CFLAR: variants seen among roughly 807,000 people sequenced by gnomAD.
CFLAR encodes the protein CASP8 and FADD-like apoptosis regulator.
A neutral mutation model predicts 51.1 loss-of-function variants in CFLAR; 14 were observed. That is an observed-to-expected ratio of 0.27 (90% CI 0.18 to 0.43). The LOEUF (loss-of-function observed/expected upper bound fraction) is 0.43. CFLAR is among the 20% of genes least tolerant of loss of function. The probability of loss-of-function intolerance (pLI) is 1.00; values close to 1 mark genes in which losing one functional copy is unlikely to be tolerated. For synonymous variants in CFLAR, 210 were observed against 211.6 expected (o/e 0.99, Z 0.06); for missense variants, 390 against 566.5 (o/e 0.69, Z 3.16).
At chr2:201,139,899 C>T (rs529352261) in intron 4 of CFLAR, 1 of 157,406 alleles carries the variant, frequency 6.4e-6, no homozygotes, top group African/African-American at 2.4e-5. Context: ...CTGTGTCTTT[C>T]TTTTCCAAGT....
chr2:201,131,787 G>C (rs2049355209), intron 2 of CFLAR, among the ~76,000 whole-genome samples: 1 of 152,068 alleles, frequency 6.6e-6, no homozygotes, highest in Non-Finnish European at 1.5e-5. Flanking sequence ...ATTGTAGCTG[G>C]AAGACCTGTT....
chr2:201,155,524 A>G (rs1942022251), intron 8 of CFLAR, among the ~76,000 whole-genome samples: 1 of 152,158 alleles, frequency 6.6e-6, no homozygotes. Flanking sequence ...TCGGCCTCCC[A>G]AAGTGCTGGG....
At chr2:201,145,241 A>T in intron 5 of CFLAR, 137 bp from the exon 6 acceptor site, 2 of 554,854 alleles carry the variant, frequency 3.6e-6, no homozygotes, top group Non-Finnish European at 6.6e-6. Context: ...TATTCTTTAG[A>T]TAATTTAACT....
chr2:201,123,462 A>G (rs1401751032), intron 1 of CFLAR, among the ~76,000 whole-genome samples: 1 of 152,134 alleles, frequency 6.6e-6, no homozygotes, highest in African/African-American at 2.4e-5. Context: ...ACTGCATTCT[A>G]CGGAGGGGAG....
At chr2:201,134,256 C>G (rs866311023) in intron 3 of CFLAR, among the ~76,000 whole-genome samples, 3 of 151,012 alleles carry the variant, frequency 2.0e-5, no homozygotes, top group Admixed American at 6.6e-5. Context: ...TGCAGTGAGT[C>G]GAGATTGCAC....
chr2:201,149,209 C>G (rs1375465230), intron 7 of CFLAR, 157 bp downstream of exon 7: 5 of 559,740 alleles, frequency 8.9e-6, no homozygotes, highest in Non-Finnish European at 1.6e-5. Flanking sequence ...CCCTGAATAA[C>G]AAAGAGAAAG....
At chr2:201,137,596 T>G in intron 4 of CFLAR, 2 of 746,358 alleles carry the variant, frequency 2.7e-6, no homozygotes, top group East Asian at 2.5e-5. Context: ...TTCTCAAACT[T>G]GAGCTCCCCT....
chr2:201,159,599 C>T (rs551674783), intron 8 of CFLAR, among the ~76,000 whole-genome samples: 5 of 152,180 alleles, frequency 3.3e-5, no homozygotes, highest in Non-Finnish European at 7.3e-5. Flanking sequence ...TGAGCCACTG[C>T]GCCCAGCCAA....
chr2:201,145,386 T>G lies in CFLAR; in HGVS notation c.615T>G (p.Asn205Lys), dbSNP rs747763801. 7.5e-6 allele frequency: 12 copies of G among 1,603,816 alleles called. No homozygotes were observed. The African/African-American group carries it at 1.6e-4, about 21-fold the overall frequency. The change falls in exon 6 of 10, where the codon AAT becomes AAG. Residue 205 changes from asparagine (N) to lysine (K), a missense_variant. Physicochemically the swap from Asn to Lys is moderately conservative, Grantham distance 94 (BLOSUM62 0). This residue lies in a region of CFLAR where 287 missense variants were observed against 363.6 expected (regional missense o/e 0.79). Transcript: ENST00000309955. ...KDPSNNFRLH[N>K]GRSKEQRLKE... is the part of the protein sequence containing the mutation. ...ATTCTTTGTATTTGAAGCTCCATAA[T>G]GGGAGAAGTAAAGAACAAAGACTTA... is the stretch of plus-strand genomic sequence containing the variant.
intron 8 of CFLAR, among the ~76,000 whole-genome samples, chr2:201,151,726 A>G (rs1382701143): frequency 7.1e-6 from 1 of 140,492 alleles, no homozygotes; most frequent in South Asian, 2.2e-4. Context: ...AGAGAATCAT[A>G]AAAAAAAAAA....
intron 1 of CFLAR, among the ~76,000 whole-genome samples, chr2:201,127,639 C>T (rs1263132586): frequency 6.6e-6 from 1 of 152,232 alleles, no homozygotes; most frequent in African/African-American, 2.4e-5. Context: ...CAAGTACTCA[C>T]CACCTCTAGC....
chr2:201,131,597 A>G (rs1009904965), intron 2 of CFLAR, among the ~76,000 whole-genome samples: 1 of 152,188 alleles, frequency 6.6e-6, no homozygotes, highest in African/African-American at 2.4e-5. Context: ...TGGAGATGAT[A>G]ATTATTATCA....
In CFLAR at chr2:201,118,206, T is replaced by G. The variant is rs2047805306; in HGVS notation, c.-138+1725T>G. On this transcript the variant is annotated intron_variant, in intron 1 of 9. Coordinates refer to ENST00000309955, the MANE Select transcript of CFLAR (RefSeq NM_003879.7). The surrounding 1 kb of genome is among the most constrained non-coding windows in gnomAD (Gnocchi z 5.1). The stretch of plus-strand genomic sequence containing the variant: ...CGTTAAAATGGCTTTCTCTAGCGAC[T>G]TTATGTTTTACGTTTCTGTTTGTAA... 6.6e-6 allele frequency among the ~76,000 whole-genome samples: 1 copy of G among 152,268 alleles called. No individual in the cohort carries two copies. Among genetic ancestry groups the G allele is most frequent in the Non-Finnish European group, 1.5e-5 (1 of 68,046 alleles).
chr2:201,127,291 A>G (rs542875145), intron 1 of CFLAR, among the ~76,000 whole-genome samples: 80 of 152,298 alleles, frequency 5.3e-4, no homozygotes, highest in Middle Eastern at 3.4e-3. Flanking sequence ...GGCGAATGGG[A>G]CACTGAGTCC....
intron 8 of CFLAR, chr2:201,154,113 CG>C: frequency 3.4e-6 from 1 of 296,586 alleles, no homozygotes; most frequent in South Asian, 2.7e-5. Flanking sequence ...ATTTTTAAGA[CG>C]GAGTTTCCCT....
chr2:201,176,515 A>C lies in CFLAR; in HGVS notation c.*12542A>C, dbSNP rs1183323762. ...TTTCTTGTCACTTGCCTCATTGTGAATTTTTATAGATGTGGCTAAGTCATA... is the reference window on the plus strand; with the variant it reads ...TTTCTTGTCACTTGCCTCATTGTGACTTTTTATAGATGTGGCTAAGTCATA... On this transcript the variant is annotated 3_prime_UTR_variant, in exon 10 of 10. Transcript: ENST00000309955. 2 of 151,734 alleles carry C rather than the reference A, an allele frequency of 1.3e-5. No individual in the cohort carries two copies. Among genetic ancestry groups the C allele is most frequent in the Non-Finnish European group, 2.9e-5 (2 of 67,850 alleles). 9.4% of individuals were successfully genotyped at this position (151,734 alleles called of 1,614,324 possible).
At chr2:201,147,317 T>G (rs904583236) in intron 6 of CFLAR, among the ~76,000 whole-genome samples, 3 of 150,558 alleles carry the variant, frequency 2.0e-5, no homozygotes, top group African/African-American at 7.3e-5. Context: ...TCACCTGAGG[T>G]CAGGAGTTCA....
At chr2:201,146,267 C>G (rs1174639393) in intron 6 of CFLAR, 1 of 152,278 alleles carries the variant, frequency 6.6e-6, no homozygotes, top group African/African-American at 2.4e-5. Flanking sequence ...ATGCCTCAGC[C>G]TCCTGAGTAG....
chr2:201,158,440 G>A (rs1309711049), intron 8 of CFLAR, among the ~76,000 whole-genome samples: 1 of 152,246 alleles, frequency 6.6e-6, no homozygotes, highest in African/African-American at 2.4e-5. Context: ...TATCAGTGAA[G>A]AGAGGTTTTG....
Sources: allele counts gnomAD v4.1 joint callset (sites outside exome capture counted in the v4.1 genomes callset), GRCh38; gene constraint gnomAD v4.1.1; regional missense constraint gnomAD v4.1.1; non-coding constraint Gnocchi (gnomAD v3.1); transcripts MANE v1.5; gene names NCBI Gene and HGNC (gene_info 2026-07-23, HGNC 2026-07-21).